ELFN1: variants seen among roughly 807,000 people sequenced by gnomAD.
ELFN1 encodes protein ELFN1.
Under a neutral mutation model 7.6 loss-of-function variants are expected in ELFN1, and 6 were observed. The observed-to-expected ratio is 0.79, with a 90% CI of 0.43 to 1.56. ELFN1 has a LOEUF of 1.56. Ranked by LOEUF, ELFN1 falls within the 40% of genes most tolerant of loss-of-function variation. ELFN1 has a pLI of 0.01. For synonymous variants in ELFN1, 657 were observed against 588.1 expected (o/e 1.12, Z -1.70); for missense variants, 1,169 against 1,232.2 (o/e 0.95, Z 0.77).
upstream of ELFN1, among the ~76,000 whole-genome samples, chr7:1,667,408 A>AG (rs891543422): frequency 9.2e-5 from 14 of 152,054 alleles, no homozygotes; most frequent in African/African-American, 3.4e-4. The surrounding 1 kb of genome is among the most constrained non-coding windows in gnomAD (Gnocchi z 8.2). Flanking sequence ...TGTGGAGGGC[A>AG]GGGGGGACCC....
intron 3 of ELFN1, among the ~76,000 whole-genome samples, chr7:1,725,836 C>T (rs1197745292): frequency 6.6e-6 from 1 of 152,012 alleles, no homozygotes; most frequent in African/African-American, 2.4e-5. Context: ...CTCAGACACA[C>T]ATAATACACA....
rs529402953 is a variant in ELFN1 at position 1,696,778 on chromosome 7, C to T, written c.-456+8628C>T. On this transcript the variant is annotated intron_variant, in intron 2 of 3. Coordinates refer to ENST00000424383, the MANE Select transcript of ELFN1 (RefSeq NM_001128636.4). ...GACCTCGGCTAACTCCGATCACCTCCCAGAGAACCCGCTGCCTCCTCTCAT... is the reference window on the plus strand; with the variant it reads ...GACCTCGGCTAACTCCGATCACCTCTCAGAGAACCCGCTGCCTCCTCTCAT... Among the ~76,000 whole-genome samples, 29 of 152,298 alleles carry T rather than the reference C, an allele frequency of 1.9e-4. No individual in the cohort carries two copies. In the South Asian group the frequency reaches 5.8e-3, roughly 30 times the overall value.
At position 1,730,083 on chromosome 7, in the gene ELFN1, G is replaced by A. The variant is rs186002941; in HGVS notation, c.-293-14221G>A. On this transcript the variant is annotated intron_variant, in intron 3 of 3. Coordinates refer to ENST00000424383, the MANE Select transcript of ELFN1 (RefSeq NM_001128636.4). The stretch of plus-strand genomic sequence containing the variant: ...CCGCCACGTCGGATGCCTTCCAGGC[G>A]GTCATGAGCTCTCCCAGAGGAGGCT... Among the ~76,000 whole-genome samples, 53 of 152,350 alleles carry A rather than the reference G, an allele frequency of 3.5e-4. No homozygotes were observed. The East Asian group carries it at 4.4e-3, about 13-fold the overall frequency.
At chr7:1,694,518 AAGAT>A (rs1463316760) in intron 2 of ELFN1, among the ~76,000 whole-genome samples, 2 of 152,108 alleles carry the variant, frequency 1.3e-5, no homozygotes, top group East Asian at 3.9e-4. Context: ...GCCTTCTAGA[AAGAT>A]AGAGCTCTGG....
chr7:1,707,254 G>T (rs1462434719), intron 2 of ELFN1, among the ~76,000 whole-genome samples: 3 of 152,228 alleles, frequency 2.0e-5, no homozygotes, highest in Non-Finnish European at 4.4e-5. Context: ...TGGAAAGTCC[G>T]AGAGCAGCTG....
chr7:1,717,139 T>A (rs1779858939), intron 3 of ELFN1, among the ~76,000 whole-genome samples: 1 of 152,132 alleles, frequency 6.6e-6, no homozygotes, highest in South Asian at 2.1e-4. Flanking sequence ...GCGATAGGCA[T>A]CAGTGGTGCC....
At chr7:1,685,729 G>C (rs141616488) in intron 1 of ELFN1, among the ~76,000 whole-genome samples, 2 of 150,130 alleles carry the variant, frequency 1.3e-5, no homozygotes, top group African/African-American at 4.9e-5. Flanking sequence ...ACACATAGTT[G>C]TCTTTATTTC....
At chr7:1,743,546 G>A (rs1780688253) in intron 3 of ELFN1, among the ~76,000 whole-genome samples, 1 of 151,152 alleles carries the variant, frequency 6.6e-6, no homozygotes, top group South Asian at 2.1e-4. Flanking sequence ...GGCTCATTTG[G>A]GGAAACTGAG....
At chr7:1,684,720 A>G (rs1199982332) in intron 1 of ELFN1, among the ~76,000 whole-genome samples, 1 of 152,224 alleles carries the variant, frequency 6.6e-6, no homozygotes, top group Non-Finnish European at 1.5e-5. Context: ...GGTAAAATAT[A>G]GAAACTTTAC....
Position 1,712,045 on chromosome 7 carries a change from G to A in ELFN1, c.-294+2793G>A, listed in dbSNP as rs376866532. The stretch of plus-strand genomic sequence containing the variant: ...GCCTTTGCCACAGCCGTTGGGGATG[G>A]GACAGTGGTTGGGAGGCGTGAGCTG... On this transcript the variant is annotated intron_variant, in intron 3 of 3. Transcript: ENST00000424383. 2.4e-4 allele frequency among the ~76,000 whole-genome samples: 37 copies of A among 152,226 alleles called. 2 individuals carry two copies. Among genetic ancestry groups the A allele is most frequent in the East Asian group, 9.6e-4 (5 of 5,196 alleles).
rs555297697 is a variant in ELFN1 at position 1,696,797 on chromosome 7, C to T, written c.-456+8647C>T. On this transcript the variant is annotated intron_variant, in intron 2 of 3. Transcript: ENST00000424383. ...CACCTCCCAGAGAACCCGCTGCCTC[C>T]TCTCATCAGCCGGGGGCCAGGGCTT... 2.0e-5 allele frequency among the ~76,000 whole-genome samples: 3 copies of T among 152,350 alleles called. No individual in the cohort carries two copies. In the East Asian group the frequency reaches 5.8e-4, roughly 29 times the overall value.
At chr7:1,685,752 T>C (rs969904481) in intron 1 of ELFN1, among the ~76,000 whole-genome samples, 1 of 149,958 alleles carries the variant, frequency 6.7e-6, no homozygotes, top group Non-Finnish European at 1.5e-5. Context: ...TGACTGCATT[T>C]ATATTATATA....
chr7:1,702,716 A>T (rs921137219), intron 2 of ELFN1, among the ~76,000 whole-genome samples: 1 of 151,396 alleles, frequency 6.6e-6, no homozygotes, highest in Non-Finnish European at 1.5e-5. Flanking sequence ...TTGGTAACAT[A>T]TACATTCTGT....
chr7:1,744,952 G>A lies in ELFN1; in HGVS notation c.356G>A (p.Arg119Gln), dbSNP rs749827298. The A allele has an allele frequency of 1.3e-4, 195 of 1,551,378 alleles. No individual in the cohort carries two copies. The highest frequency in any genetic ancestry group is 1.6e-4 in the Non-Finnish European group (187 of 1,147,098). ...NLQVLQLGYN[R>Q]LRNLTEGMLR... Reference sequence around the variant, plus strand: ...CAGGTGCTGCAGCTGGGCTACAACCGGCTGCGCAACCTCACGGAGGGCATG... The same window carrying A: ...CAGGTGCTGCAGCTGGGCTACAACCAGCTGCGCAACCTCACGGAGGGCATG... Residue 119 changes from arginine (R) to glutamine (Q), a missense_variant, in exon 4 of 4, where the codon CGG becomes CAG. Arg to Gln is a conservative substitution (Grantham distance 43). Coordinates refer to ENST00000424383, the MANE Select transcript of ELFN1 (RefSeq NM_001128636.4).
At chr7:1,733,679 A>C (rs1780371630) in intron 3 of ELFN1, among the ~76,000 whole-genome samples, 1 of 152,070 alleles carries the variant, frequency 6.6e-6, no homozygotes, top group Admixed American at 6.5e-5. Flanking sequence ...TTCCCTTATT[A>C]GTTTAACATT....
intron 2 of ELFN1, among the ~76,000 whole-genome samples, chr7:1,690,405 GTGGATGAATGGA>G (rs1456774087): frequency 1.3e-5 from 2 of 149,902 alleles, no homozygotes; most frequent in African/African-American, 4.9e-5. Context: ...GGCTGGATGG[GTGGATGAATGGA>G]TGGATGAATG....
At chr7:1,681,529 A>G (rs1311417723) in intron 1 of ELFN1, among the ~76,000 whole-genome samples, 1 of 151,994 alleles carries the variant, frequency 6.6e-6, no homozygotes, top group African/African-American at 2.4e-5. Flanking sequence ...TGCCCAGCTG[A>G]TTTTTGTATT....
At chr7:1,699,015 C>T (rs572349800) in intron 2 of ELFN1, among the ~76,000 whole-genome samples, 18 of 152,238 alleles carry the variant, frequency 1.2e-4, no homozygotes, top group Non-Finnish European at 2.5e-4. Flanking sequence ...CCTGTGTTTT[C>T]ATGTTGTATA....
At position 1,746,010 on chromosome 7, in the gene ELFN1, G is replaced by C. The variant is rs765564129; in HGVS notation, c.1414G>C (p.Gly472Arg). 1 of 1,543,332 alleles carries C rather than the reference G, an allele frequency of 6.5e-7. No individual in the cohort carries two copies. Among genetic ancestry groups the C allele is most frequent in the Non-Finnish European group, 8.8e-7 (1 of 1,142,322 alleles). The change falls in exon 4 of 4, where the codon GGG (glycine) becomes CGG (arginine). Residue 472 changes from glycine (G) to arginine (R), a missense_variant. Physicochemically the swap from Gly to Arg is moderately radical, Grantham distance 125. Coordinates refer to ENST00000424383, the MANE Select transcript of ELFN1 (RefSeq NM_001128636.4). ...LKKTIIELKY[G>R]PELEAPGLAP... ...GAAGACCATCATCGAGCTCAAGTAC[G>C]GGCCAGAGCTGGAGGCGCCCGGCCT...
Sources: allele counts gnomAD v4.1 joint callset (sites outside exome capture counted in the v4.1 genomes callset), GRCh38; gene constraint gnomAD v4.1.1; non-coding constraint Gnocchi (gnomAD v3.1); transcripts MANE v1.5; gene names NCBI Gene and HGNC (gene_info 2026-07-23, HGNC 2026-07-21).